MAGI3: variants seen among roughly 807,000 people sequenced by gnomAD.
MAGI3 encodes the protein membrane associated guanylate kinase, WW and PDZ domain containing 3.
Under a neutral mutation model 121.8 loss-of-function variants are expected in MAGI3, and 43 were observed. The ratio of observed to expected loss-of-function variants is 0.35; its 90% CI spans 0.28 to 0.46. The LOEUF (loss-of-function observed/expected upper bound fraction) is 0.46, where lower values mean the gene tolerates loss of function less well. MAGI3 is among the 20% of genes least tolerant of loss of function. The pLI, the probability that MAGI3 is intolerant of heterozygous loss-of-function variation, is 1.00. For synonymous variants in MAGI3, 553 were observed against 639.3 expected (o/e 0.86, Z 2.04); for missense variants, 1,547 against 1,797.3 (o/e 0.86, Z 2.52).
chr1:113,614,223 A>G (rs1374226770), intron 6 of MAGI3, among the ~76,000 whole-genome samples: 1 of 152,180 alleles, frequency 6.6e-6, no homozygotes, highest in Non-Finnish European at 1.5e-5. Context: ...ATGACTATGT[A>G]TAATAGTAAA....
chr1:113,667,494 C>G (rs1326683455), intron 16 of MAGI3, among the ~76,000 whole-genome samples: 1 of 152,218 alleles, frequency 6.6e-6, no homozygotes, highest in African/African-American at 2.4e-5. Context: ...GGGCCTTGCT[C>G]TGGATTAGGC....
At chr1:113,625,185 G>C (rs574279024) in intron 9 of MAGI3, among the ~76,000 whole-genome samples, 39 of 152,190 alleles carry the variant, frequency 2.6e-4, no homozygotes, top group Non-Finnish European at 4.4e-4. Context: ...TGGGTCTTTT[G>C]TGGTTCCATA....
At chr1:113,537,763 A>G (rs796677790) in intron 1 of MAGI3, among the ~76,000 whole-genome samples, 8 of 152,272 alleles carry the variant, frequency 5.3e-5, no homozygotes, top group African/African-American at 1.9e-4. Flanking sequence ...TCTGTGTTGA[A>G]AAGAGGGATT....
chr1:113,491,587 G>A (rs375264782), intron 1 of MAGI3, among the ~76,000 whole-genome samples: 7 of 152,124 alleles, frequency 4.6e-5, no homozygotes, highest in Admixed American at 4.6e-4. Context: ...GAATCCAGGA[G>A]CTGGTTTTTT....
chr1:113,522,060 T>G (rs942202904), intron 1 of MAGI3, among the ~76,000 whole-genome samples: 2 of 152,172 alleles, frequency 1.3e-5, no homozygotes, highest in African/African-American at 4.8e-5. Flanking sequence ...TCTTCCCCTT[T>G]GCTTTAAATT....
At chr1:113,436,808 A>C (rs1570672809) in intron 1 of MAGI3, among the ~76,000 whole-genome samples, 1 of 147,238 alleles carries the variant, frequency 6.8e-6, no homozygotes, top group Non-Finnish European at 1.5e-5. Flanking sequence ...TTTTAAAGAC[A>C]GTCTTTTTTT....
intron 7 of MAGI3, chr1:113,618,424 C>T (rs1650618840): frequency 2.6e-6 from 1 of 387,724 alleles, no homozygotes; most frequent in Non-Finnish European, 5.0e-6. Context: ...AATATTCAGT[C>T]TACCTAAAAA....
intron 1 of MAGI3, among the ~76,000 whole-genome samples, chr1:113,411,207 A>G (rs1399265472): frequency 6.6e-6 from 1 of 152,154 alleles, no homozygotes; most frequent in Non-Finnish European, 1.5e-5. Context: ...TATTCTTAGC[A>G]ACTTAATCTG....
chr1:113,548,904 G>A (rs561120662), intron 1 of MAGI3, among the ~76,000 whole-genome samples: 3 of 152,244 alleles, frequency 2.0e-5, no homozygotes, highest in South Asian at 2.1e-4. Flanking sequence ...AAGTAGAACC[G>A]ACAAAAGTTG....
At chr1:113,555,477 A>G (rs1659950048) in intron 2 of MAGI3, among the ~76,000 whole-genome samples, 1 of 152,206 alleles carries the variant, frequency 6.6e-6, no homozygotes, top group African/African-American at 2.4e-5. Context: ...CCGAGTTACT[A>G]TTTATTAGAA....
intron 2 of MAGI3, among the ~76,000 whole-genome samples, chr1:113,579,194 A>C (rs1241266484): frequency 6.6e-6 from 1 of 152,156 alleles, no homozygotes; most frequent in Non-Finnish European, 1.5e-5. Flanking sequence ...CTCTGAATCA[A>C]ATCGACATGG....
At chr1:113,546,391 C>T (rs1403417101) in intron 1 of MAGI3, among the ~76,000 whole-genome samples, 7 of 152,144 alleles carry the variant, frequency 4.6e-5, no homozygotes, top group African/African-American at 1.7e-4. Context: ...GGCTGAAGTG[C>T]AGCCGCACGA....
chr1:113,556,131 C>T (rs2101679780), intron 2 of MAGI3, among the ~76,000 whole-genome samples: 1 of 151,914 alleles, frequency 6.6e-6, no homozygotes, highest in East Asian at 1.9e-4. Flanking sequence ...ATGAAGATTT[C>T]AAATTAGTGA....
At chr1:113,653,298 T>A (rs571923954) in intron 14 of MAGI3, among the ~76,000 whole-genome samples, 1 of 152,274 alleles carries the variant, frequency 6.6e-6, no homozygotes, top group East Asian at 1.9e-4. Context: ...TTAGGAAGAA[T>A]TTTTTTACTA....
intron 1 of MAGI3, among the ~76,000 whole-genome samples, chr1:113,537,748 C>T (rs1333751927): frequency 2.0e-5 from 3 of 152,006 alleles, no homozygotes; most frequent in Admixed American, 1.3e-4. Context: ...TATTTTTTCT[C>T]ATTTTCTGTG....
chr1:113,524,943 G>A (rs1424933244), intron 1 of MAGI3, among the ~76,000 whole-genome samples: 2 of 152,158 alleles, frequency 1.3e-5, no homozygotes, highest in Non-Finnish European at 1.5e-5. Context: ...AATCATGGGG[G>A]TGGGTCTTTC....
At chr1:113,461,977 C>T (rs1402873914) in intron 1 of MAGI3, among the ~76,000 whole-genome samples, 2 of 152,138 alleles carry the variant, frequency 1.3e-5, no homozygotes, top group Non-Finnish European at 2.9e-5. Flanking sequence ...ATCTTAATAT[C>T]ACTGATCATT....
intron 9 of MAGI3, among the ~76,000 whole-genome samples, chr1:113,640,911 A>ATT (rs1348208305): frequency 1.3e-5 from 1 of 74,416 alleles, no homozygotes; most frequent in African/African-American, 6.4e-5. Context: ...ATATATATTT[A>ATT]TATATGATAT....
chr1:113,638,195 G>C (rs1652173797), intron 9 of MAGI3, among the ~76,000 whole-genome samples: 1 of 152,174 alleles, frequency 6.6e-6, no homozygotes, highest in African/African-American at 2.4e-5. Flanking sequence ...GTAGCTCGGA[G>C]TAGTTTGATC....
Sources: gnomAD v4.1 joint callset for allele counts (sites outside exome capture counted in the v4.1 genomes callset) on GRCh38, gnomAD v4.1.1 for gene constraint, MANE v1.5 for transcripts, NCBI Gene and HGNC (gene_info 2026-07-23, HGNC 2026-07-21) for gene names.